The following BDKRB2 variants were observed in gnomAD, a reference collection of about 807,000 sequenced individuals.
The protein encoded by BDKRB2 is bradykinin receptor B2, also known as B2 bradykinin receptor.
A neutral mutation model predicts 4.0 loss-of-function variants in BDKRB2; 6 were observed. The observed-to-expected ratio is 1.49, with a 90% CI of 0.81 to 2.93. The LOEUF (loss-of-function observed/expected upper bound fraction) is 2.93. Among genes scored for constraint, BDKRB2 ranks in the 30% most tolerant of loss-of-function variants. The pLI, the probability that BDKRB2 is intolerant of heterozygous loss-of-function variation, is 0.00. For synonymous variants in BDKRB2, 225 were observed against 215.3 expected, an observed-to-expected ratio of 1.05 and a Z score of -0.40; for missense variants, 478 against 520.1, an observed-to-expected ratio of 0.92 and a Z score of 0.79.
chr14:96,235,662 C>T (rs1025645386), intron 1 of BDKRB2, among the ~76,000 whole-genome samples: 1 of 152,224 alleles, frequency 6.6e-6, no homozygotes, highest in Admixed American at 6.5e-5. Context: ...ATTCCCTGAA[C>T]TGACCGTTGT....
chr14:96,240,192 C>T (rs758755298), intron 2 of BDKRB2: 8 of 1,288,558 alleles, frequency 6.2e-6, no homozygotes, highest in Non-Finnish European at 7.9e-6. Context: ...GAACATGAGG[C>T]CCCCGTTTAG....
intron 1 of BDKRB2, among the ~76,000 whole-genome samples, chr14:96,220,804 A>T (rs1343982398): frequency 1.3e-5 from 2 of 151,964 alleles, no homozygotes; most frequent in African/African-American, 4.8e-5. Context: ...CCAAGATGAG[A>T]TCTATACTTG....
rs201864766 is a variant in BDKRB2 at position 96,241,439 on chromosome 14, C to A, written c.1111C>A (p.Arg371=). ...IQMENSMGTL[R]TSISVERQIH... ...GATGGAGAACTCCATGGGCACACTG[C>A]GGACCTCCATCTCCGTGGAACGCCA... Residue 371 remains arginine, a synonymous_variant, in exon 3 of 3, where the codon CGG becomes AGG. Coordinates refer to ENST00000554311, the MANE Select transcript of BDKRB2 (RefSeq NM_001379692.1). The A allele has an allele frequency of 3.1e-6, 5 of 1,595,864 alleles. No homozygotes were observed. The highest frequency in any genetic ancestry group is 4.3e-6 in the Non-Finnish European group (5 of 1,175,778).
chr14:96,212,651 G>A (rs1482205508), intron 1 of BDKRB2, among the ~76,000 whole-genome samples: 2 of 151,998 alleles, frequency 1.3e-5, no homozygotes, highest in Non-Finnish European at 2.9e-5. Flanking sequence ...GGGTGGTAAA[G>A]AGTAGCCTGC....
chr14:96,214,296 G>T (rs1259845718), intron 1 of BDKRB2, among the ~76,000 whole-genome samples: 1 of 152,190 alleles, frequency 6.6e-6, no homozygotes, highest in Non-Finnish European at 1.5e-5. Context: ...GGAGGTGAGG[G>T]CACCCAGGCC....
At chr14:96,239,820 A>C in intron 2 of BDKRB2, 2 of 985,442 alleles carry the variant, frequency 2.0e-6, no homozygotes, top group South Asian at 9.4e-5. Flanking sequence ...CTCCCTCGCC[A>C]TCTGTATCCT....
intron 1 of BDKRB2, among the ~76,000 whole-genome samples, chr14:96,211,628 C>T (rs1295033178): frequency 6.6e-6 from 1 of 152,176 alleles, no homozygotes; most frequent in East Asian, 1.9e-4. Flanking sequence ...GAGATGGACT[C>T]TGTGAAGATG....
At chr14:96,238,853 C>CCA (rs1885184564) in intron 2 of BDKRB2, 1 of 986,812 alleles carries the variant, frequency 1.0e-6, no homozygotes, top group Non-Finnish European at 1.2e-6. Flanking sequence ...ACCCTCTGGG[C>CCA]CACAGTTGTC....
chr14:96,239,540 G>A (rs921502246), intron 2 of BDKRB2: 4 of 985,330 alleles, frequency 4.1e-6, no homozygotes, highest in South Asian at 9.4e-5. Flanking sequence ...ACAAACGGTG[G>A]TGTTGGAGTT....
chr14:96,241,120 A>G lies in BDKRB2; in HGVS notation c.792A>G (p.Thr264=), dbSNP rs5224. The change falls in exon 3 of 3, where the codon ACA becomes ACG. Residue 264 remains threonine (T), a synonymous_variant. Transcript: ENST00000554311. ...NEMQKFKEIQ[T]ERRATVLVLV... ...TGCAGAAGTTCAAGGAGATCCAGACAGAGAGGAGGGCCACGGTGCTAGTCC... is the reference window on the plus strand; with the variant it reads ...TGCAGAAGTTCAAGGAGATCCAGACGGAGAGGAGGGCCACGGTGCTAGTCC... 1,358,583 of 1,612,946 alleles carry G rather than the reference A, an allele frequency of 0.84. 574,251 individuals are homozygous for G. Among genetic ancestry groups the G allele is most frequent in the African/African-American group, 0.98 (73,188 of 75,042 alleles).
chr14:96,206,049 T>G (rs1434456093), intron 1 of BDKRB2, among the ~76,000 whole-genome samples: 2 of 152,076 alleles, frequency 1.3e-5, no homozygotes, highest in African/African-American at 4.8e-5. Flanking sequence ...GCTTAGGTGG[T>G]GGGGGAACAG....
At chr14:96,207,032 C>T (rs1890198755) in intron 1 of BDKRB2, among the ~76,000 whole-genome samples, 1 of 152,092 alleles carries the variant, frequency 6.6e-6, no homozygotes, top group African/African-American at 2.4e-5. Flanking sequence ...GGAGGGGGAC[C>T]TCATGATCTA....
At position 96,204,841 on chromosome 14, in the gene BDKRB2, T is replaced by C; in HGVS notation, c.-158T>C. On this transcript the variant is annotated 5_prime_UTR_variant, in exon 1 of 3. Transcript: ENST00000554311. ...AAAGATGAGCTGTTCCCGCCGCCAC[T>C]CCAGCTCTGGCTTCTGGGCTCCGAG... 2.6e-6 allele frequency: 1 copy of C among 386,594 alleles called. No homozygotes were observed. The highest frequency in any genetic ancestry group is 5.2e-6 in the Non-Finnish European group (1 of 190,760). The allele number at this position is 386,594 out of a possible 1,614,324, so 23.9% of individuals were successfully genotyped here.
chr14:96,233,392 G>C (rs1385798023), intron 1 of BDKRB2: 1 of 145,142 alleles, frequency 6.9e-6, no homozygotes, highest in Admixed American at 6.8e-5. Flanking sequence ...GGTGGGACCA[G>C]GGGGCACGAG....
At chr14:96,228,906 T>C (rs1218696686) in intron 1 of BDKRB2, among the ~76,000 whole-genome samples, 1 of 152,230 alleles carries the variant, frequency 6.6e-6, no homozygotes, top group Non-Finnish European at 1.5e-5. Flanking sequence ...CTGCCTCTGA[T>C]GAGCAGGGTG....
chr14:96,243,745 C>T lies in BDKRB2; in HGVS notation c.*2241C>T. 6.4e-6 allele frequency: 1 copy of T among 155,820 alleles called. No individual in the cohort carries two copies. The highest frequency in any genetic ancestry group is 1.4e-5 in the Non-Finnish European group (1 of 70,728). 9.7% of individuals were successfully genotyped at this position (155,820 alleles called of 1,614,324 possible). On this transcript the variant is annotated 3_prime_UTR_variant, in exon 3 of 3. Transcript: ENST00000554311. ...TCCCACCACCCACTCTCCTCTGCCT[C>T]AGTAAGTATCTGGAGGAAGAAAACA...
intron 1 of BDKRB2, among the ~76,000 whole-genome samples, chr14:96,228,106 T>A (rs934124950): frequency 6.6e-6 from 1 of 152,018 alleles, no homozygotes; most frequent in African/African-American, 2.4e-5. Flanking sequence ...GAAGGGAGAG[T>A]TCCCTGGACC....
chr14:96,216,872 C>A (rs1014670452), intron 1 of BDKRB2, among the ~76,000 whole-genome samples: 2 of 152,076 alleles, frequency 1.3e-5, no homozygotes, highest in Non-Finnish European at 2.9e-5. Context: ...ATTAGGCCCA[C>A]ACATCTGATA....
chr14:96,241,588 G>A lies in BDKRB2; in HGVS notation c.*84G>A. 6.8e-7 allele frequency: 1 copy of A among 1,475,644 alleles called. No homozygotes were observed. Among genetic ancestry groups the A allele is most frequent in the Non-Finnish European group, 8.9e-7 (1 of 1,120,680 alleles). The allele number at this position is 1,475,644 out of a possible 1,614,324, so 91.4% of individuals were successfully genotyped here. ...AGCATGGGCCCAGGAATGCCAAGGA[G>A]ACATCTATGCACGACCTTGGGAAAT... On this transcript the variant is annotated 3_prime_UTR_variant, in exon 3 of 3. Coordinates refer to ENST00000554311, the MANE Select transcript of BDKRB2 (RefSeq NM_001379692.1).
Sources: allele counts gnomAD v4.1 joint callset (sites outside exome capture counted in the v4.1 genomes callset), GRCh38; gene constraint gnomAD v4.1.1; transcripts MANE v1.5; gene names NCBI Gene and HGNC (gene_info 2026-07-23, HGNC 2026-07-21).